The following PCDHA11 variants were observed in gnomAD, a reference collection of about 807,000 sequenced individuals.
PCDHA11 encodes protocadherin alpha-11.
A neutral mutation model predicts 70.3 loss-of-function variants in PCDHA11; 61 were observed. The observed-to-expected ratio is 0.87, with a 90% CI of 0.71 to 1.07. The LOEUF is 1.07. Among genes scored for constraint, PCDHA11 ranks in the 50% least tolerant of loss-of-function variants. PCDHA11 has a pLI of 0.00. For missense variants in PCDHA11, 1,324 were observed against 1,237.5 expected, an observed-to-expected ratio of 1.07 and a Z score of -1.05; for synonymous variants, 633 against 555.1, an observed-to-expected ratio of 1.14 and a Z score of -1.97.
At chr5:140,942,527 AACTC>A (rs1420689882) in intron 1 of PCDHA11, among the ~76,000 whole-genome samples, 2 of 152,162 alleles carry the variant, frequency 1.3e-5, no homozygotes, top group Non-Finnish European at 2.9e-5. Flanking sequence ...GGAAGCAACT[AACTC>A]AGTATGGTGG....
intron 3 of PCDHA11, among the ~76,000 whole-genome samples, chr5:140,985,373 C>G (rs1228293287): frequency 6.6e-6 from 1 of 152,106 alleles, no homozygotes. Flanking sequence ...TTATCTGGGT[C>G]TATATAATCC....
chr5:140,897,671 C>T (rs1329195952), intron 1 of PCDHA11, among the ~76,000 whole-genome samples: 1 of 152,066 alleles, frequency 6.6e-6, no homozygotes, highest in Non-Finnish European at 1.5e-5. Flanking sequence ...GTCTTTATAG[C>T]AGCATGATTT....
chr5:140,906,824 G>A (rs2072970432), intron 1 of PCDHA11, among the ~76,000 whole-genome samples: 1 of 152,216 alleles, frequency 6.6e-6, no homozygotes, highest in African/African-American at 2.4e-5. Flanking sequence ...CTGTGGAGTA[G>A]TAGACTGATT....
intron 1 of PCDHA11, among the ~76,000 whole-genome samples, chr5:140,947,890 G>A (rs1233922642): frequency 1.3e-5 from 2 of 151,506 alleles, no homozygotes; most frequent in African/African-American, 4.8e-5. Context: ...AATATAAACA[G>A]AAGTGGTGAG....
In PCDHA11 at chr5:140,870,983, C is replaced by A; in HGVS notation, c.1880C>A (p.Thr627Lys). ...SRIPFRVGLY[T>K]GEISTTRALD... is the part of the protein sequence containing the mutation. ...ATCCCGTTCCGCGTGGGGCTGTACA[C>A]GGGCGAGATAAGCACAACGCGTGCC... Residue 627 changes from threonine to lysine, a missense_variant, in exon 1 of 4, where the codon ACG becomes AAG. By Grantham distance (78) the Thr-to-Lys change is moderately conservative. Coordinates refer to ENST00000398640, the MANE Select transcript of PCDHA11 (RefSeq NM_018902.5). 1 of 1,613,520 alleles carries A rather than the reference C, an allele frequency of 6.2e-7. No individual in the cohort carries two copies. Among genetic ancestry groups the A allele is most frequent in the South Asian group, 1.1e-5 (1 of 91,068 alleles).
intron 1 of PCDHA11, chr5:140,875,915 T>C: frequency 6.2e-7 from 1 of 1,614,214 alleles, no homozygotes; most frequent in Non-Finnish European, 8.5e-7. Context: ...TCTGCGCCTC[T>C]GGACTCTCAT....
chr5:141,010,296 G>C lies in PCDHA11; in HGVS notation c.*359G>C. On this transcript the variant is annotated 3_prime_UTR_variant, in exon 4 of 4. Transcript: ENST00000398640. ...CTGTCTTGATGACACTTGCAGGGCA[G>C]GCTGAAAAGTTTTGAGATTGAGCAG... The C allele has an allele frequency of 1.3e-6, 2 of 1,549,428 alleles. No individual in the cohort carries two copies. The highest frequency in any genetic ancestry group is 1.7e-6 in the Non-Finnish European group (2 of 1,146,352).
chr5:140,891,076 A>G (rs2062939819), intron 1 of PCDHA11, among the ~76,000 whole-genome samples: 1 of 152,160 alleles, frequency 6.6e-6, no homozygotes, highest in African/African-American at 2.4e-5. Flanking sequence ...TCCAGTGTCT[A>G]CTGGTTTCCA....
At position 140,874,324 on chromosome 5, in the gene PCDHA11, C is replaced by A. The variant is rs1369470009; in HGVS notation, c.2391+2830C>A. On this transcript the variant is annotated intron_variant, in intron 1 of 3. Transcript: ENST00000398640. Reference sequence around the variant, plus strand: ...TTCACAATGAGTTGTAGGATCTTATCTGTTTTTTTCTCTTAAAGCTGATCT... The same window carrying A: ...TTCACAATGAGTTGTAGGATCTTATATGTTTTTTTCTCTTAAAGCTGATCT... Among the ~76,000 whole-genome samples the A allele has an allele frequency of 2.6e-5, 4 of 151,652 alleles. No individual in the cohort carries two copies. In the East Asian group the frequency reaches 7.7e-4, roughly 29 times the overall value.
In PCDHA11 at chr5:140,967,951, C is replaced by G. The variant is rs150201840; in HGVS notation, c.2392-10998C>G. On this transcript the variant is annotated intron_variant, in intron 1 of 3. Transcript: ENST00000398640. ...TCAGTGTCAATGACCAAGACTCAGG[C>G]CCCAACCGGAAAGTGAGCCTGGGTC... 6 of 1,614,078 alleles carry G rather than the reference C, an allele frequency of 3.7e-6. No homozygotes were observed. The African/African-American group carries it at 6.7e-5, about 18-fold the overall frequency.
chr5:140,871,289 G>A lies in PCDHA11; in HGVS notation c.2186G>A (p.Gly729Asp), dbSNP rs955449203. Reference sequence around the variant, plus strand: ...TGGTGGTCGGCAACGCCCACTGAGGGCGCGTGCGCGCCGGGGAAGCCCACG... The same window carrying A: ...TGGTGGTCGGCAACGCCCACTGAGGACGCGTGCGCGCCGGGGAAGCCCACG... ...ALWWSATPTE[G>D]ACAPGKPTLV... The change falls in exon 1 of 4, where the codon GGC (glycine) becomes GAC (aspartate). Residue 729 changes from glycine (G) to aspartate (D), a missense_variant. Gly to Asp is a moderately conservative substitution (Grantham distance 94). Coordinates refer to ENST00000398640, the MANE Select transcript of PCDHA11 (RefSeq NM_018902.5). 6.2e-7 allele frequency: 1 copy of A among 1,613,792 alleles called. No homozygotes were observed. Among genetic ancestry groups the A allele is most frequent in the African/African-American group, 1.3e-5 (1 of 74,950 alleles).
At position 140,870,319 on chromosome 5, in the gene PCDHA11, T is replaced by G. The variant is rs782623881; in HGVS notation, c.1216T>G (p.Leu406Val). Residue 406 changes from leucine to valine, a missense_variant, in exon 1 of 4, where the codon TTG becomes GTG. By Grantham distance (32) the Leu-to-Val change is conservative. Coordinates refer to ENST00000398640, the MANE Select transcript of PCDHA11 (RefSeq NM_018902.5). ...GTCCACCTTCAAGAATTACTACTCGTTGGTGCTGGACAGCGCCCTGGACCG... is the reference window on the plus strand; with the variant it reads ...GTCCACCTTCAAGAATTACTACTCGGTGGTGCTGGACAGCGCCCTGGACCG... ...LVSTFKNYYSLVLDSALDREN... is the reference protein window; with the variant it reads ...LVSTFKNYYSVVLDSALDREN... 3.7e-6 allele frequency: 6 copies of G among 1,614,162 alleles called. No homozygotes were observed. The highest frequency in any genetic ancestry group is 5.1e-6 in the Non-Finnish European group (6 of 1,179,998).
chr5:140,914,262 G>A (rs1583899691), intron 1 of PCDHA11, among the ~76,000 whole-genome samples: 1 of 152,008 alleles, frequency 6.6e-6, no homozygotes, highest in Non-Finnish European at 1.5e-5. Flanking sequence ...CTTCAATGGT[G>A]GGTGCATATA....
intron 1 of PCDHA11, among the ~76,000 whole-genome samples, chr5:140,906,853 T>C (rs576448914): frequency 1.3e-5 from 2 of 152,170 alleles, no homozygotes; most frequent in Non-Finnish European, 2.9e-5. Flanking sequence ...AGAGTCTGGG[T>C]CAGTCACCCC....
At chr5:140,977,351 AT>A (rs2096757742) in intron 1 of PCDHA11, among the ~76,000 whole-genome samples, 1 of 152,348 alleles carries the variant, frequency 6.6e-6, no homozygotes, top group Non-Finnish European at 1.5e-5. Context: ...ATGATGACTG[AT>A]TGATAAAAAG....
intron 3 of PCDHA11, among the ~76,000 whole-genome samples, chr5:140,983,433 G>A (rs1306046524): frequency 1.3e-5 from 2 of 152,208 alleles, no homozygotes; most frequent in African/African-American, 4.8e-5. Context: ...CACAAATTGT[G>A]TCTACTCTAA....
chr5:140,984,754 A>G (rs2097118359), intron 3 of PCDHA11, among the ~76,000 whole-genome samples: 1 of 152,158 alleles, frequency 6.6e-6, no homozygotes, highest in Admixed American at 6.5e-5. Context: ...ATTTGAGTTG[A>G]ATTCTAATCC....
intron 1 of PCDHA11, among the ~76,000 whole-genome samples, chr5:140,954,634 T>C (rs1366737169): frequency 6.6e-6 from 1 of 152,210 alleles, no homozygotes; most frequent in Admixed American, 6.5e-5. Flanking sequence ...GTTTTTCTTG[T>C]AAATTTGTTT....
At chr5:141,002,357 C>G (rs2098075744) in intron 3 of PCDHA11, among the ~76,000 whole-genome samples, 2 of 152,246 alleles carry the variant, frequency 1.3e-5, no homozygotes, top group Admixed American at 6.5e-5. Flanking sequence ...ACCTCCACTC[C>G]TTTCAACTCA....
Sources: gnomAD v4.1 joint callset for allele counts (sites outside exome capture counted in the v4.1 genomes callset) on GRCh38, gnomAD v4.1.1 for gene constraint, MANE v1.5 for transcripts, NCBI Gene and HGNC (gene_info 2026-07-23, HGNC 2026-07-21) for gene names.